Variants in AVL9 observed in about 807,000 individuals in gnomAD.
The protein encoded by AVL9 is AVL9 cell migration associated, also known as late secretory pathway protein AVL9 homolog.
In AVL9, 49 loss-of-function variants were observed where a neutral mutation model predicts 79.2. The ratio of observed to expected loss-of-function variants is 0.62; its 90% CI spans 0.49 to 0.79. AVL9 has a LOEUF of 0.79. Ranked by LOEUF, AVL9 falls within the 30% of genes least tolerant of loss-of-function variation. The probability of loss-of-function intolerance (pLI) is 0.00; values close to 1 mark genes in which losing one functional copy is unlikely to be tolerated. For missense variants in AVL9, 682 were observed against 776.8 expected (o/e 0.88, Z 1.45); for synonymous variants, 299 against 280.6 (o/e 1.07, Z -0.65).
intron 1 of AVL9, among the ~76,000 whole-genome samples, chr7:32,500,253 G>A (rs766121459): frequency 2.0e-5 from 3 of 152,120 alleles, no homozygotes; most frequent in Non-Finnish European, 4.4e-5. Flanking sequence ...TCCAGCATCT[G>A]TTGTTTCCTG....
chr7:32,501,586 G>A (rs1041620613), intron 1 of AVL9, among the ~76,000 whole-genome samples: 1 of 152,178 alleles, frequency 6.6e-6, no homozygotes, highest in South Asian at 2.1e-4. Context: ...CAGAACAATG[G>A]AATAGTTTTC....
At chr7:32,568,444 G>A (rs910912475) in intron 10 of AVL9, among the ~76,000 whole-genome samples, 2 of 151,762 alleles carry the variant, frequency 1.3e-5, no homozygotes, top group African/African-American at 2.4e-5. Context: ...CAAGTGATCC[G>A]CCTGCCTCAG....
chr7:32,548,946 T>G (rs1281195730), intron 4 of AVL9, 28 bp downstream of exon 4: 1 of 1,452,190 alleles, frequency 6.9e-7, no homozygotes, highest in Non-Finnish European at 9.3e-7. Context: ...TTGTTCATTA[T>G]GTTAAACCTT....
intron 8 of AVL9, 26 bp from the exon 9 acceptor site, chr7:32,558,533 T>G: frequency 6.4e-7 from 1 of 1,561,094 alleles, no homozygotes; most frequent in Non-Finnish European, 8.7e-7. Context: ...GGTCTTCTAA[T>G]TTGATTTTGA....
In AVL9 at chr7:32,542,790, C is replaced by G. The variant is rs562901982; in HGVS notation, c.94-351C>G. The stretch of plus-strand genomic sequence containing the variant: ...TTTGTTGGACCTCTCCTACTCAATT[C>G]AGTAGGCTGTTGGTTTTCCTCAGGG... On this transcript the variant is annotated intron_variant, in intron 1 of 15. Coordinates refer to ENST00000318709, the MANE Select transcript of AVL9 (RefSeq NM_015060.3). Among the ~76,000 whole-genome samples the G allele has an allele frequency of 2.0e-5, 3 of 152,240 alleles. No homozygotes were observed. In the East Asian group the frequency reaches 5.8e-4, roughly 29 times the overall value.
intron 13 of AVL9, among the ~76,000 whole-genome samples, chr7:32,576,426 A>T (rs989703487): frequency 2.3e-4 from 35 of 152,196 alleles, no homozygotes; most frequent in Non-Finnish European, 4.4e-5. Context: ...CTAGAAGGAA[A>T]TACCACTGGT....
In AVL9 at chr7:32,553,621, A is replaced by G. The variant is rs1789930733; in HGVS notation, c.530-106A>G. The G allele has an allele frequency of 1.6e-5, 11 of 667,104 alleles. No individual in the cohort carries two copies. The South Asian group carries it at 1.8e-4, about 11-fold the overall frequency. 41.3% of individuals were successfully genotyped at this position (667,104 alleles called of 1,614,324 possible). A position where few individuals can be genotyped will look rare whatever the true frequency, so the allele number is the denominator to read the frequency against. On this transcript the variant is annotated intron_variant, in intron 6 of 15. Coordinates refer to ENST00000318709, the MANE Select transcript of AVL9 (RefSeq NM_015060.3). Reference sequence around the variant, plus strand: ...AATATTTGGATATTTGCATATTCCTACTTTTTTTTTTTTTTAACCTTTCTT... The same window carrying G: ...AATATTTGGATATTTGCATATTCCTGCTTTTTTTTTTTTTTAACCTTTCTT...
At chr7:32,582,169 C>CAAT (rs1791541437) in intron 15 of AVL9, among the ~76,000 whole-genome samples, 1 of 152,144 alleles carries the variant, frequency 6.6e-6, no homozygotes, top group South Asian at 2.1e-4. Context: ...GCAAGAAACT[C>CAAT]CCAATTATCT....
chr7:32,566,062 A>C (rs372057993), intron 10 of AVL9, among the ~76,000 whole-genome samples: 2 of 151,522 alleles, frequency 1.3e-5, no homozygotes, highest in South Asian at 2.1e-4. Flanking sequence ...ACTTGAGCTC[A>C]GGAGGTCAAG....
chr7:32,576,538 CT>C (rs966355245), intron 13 of AVL9, among the ~76,000 whole-genome samples: 1 of 152,170 alleles, frequency 6.6e-6, no homozygotes, highest in African/African-American at 2.4e-5. Context: ...AATCCCAACA[CT>C]TTGGGAGGCC....
At chr7:32,510,468 T>C (rs112200146) in intron 1 of AVL9, among the ~76,000 whole-genome samples, 3 of 136,538 alleles carry the variant, frequency 2.2e-5, no homozygotes, top group African/African-American at 5.6e-5. Context: ...AAGCCATCTC[T>C]CCAGGGTGAG....
chr7:32,544,918 G>A, intron 3 of AVL9, 139 bp downstream of exon 3: 1 of 608,024 alleles, frequency 1.6e-6, no homozygotes. Context: ...TTTTTCAATA[G>A]TGCCAGTTTA....
rs1790428977 is a variant in AVL9 at position 32,563,718 on chromosome 7, G to T, written c.1215+4254G>T. Among the ~76,000 whole-genome samples the T allele has an allele frequency of 2.6e-5, 4 of 152,178 alleles. No individual in the cohort carries two copies. The South Asian group carries it at 8.3e-4, about 32-fold the overall frequency. On this transcript the variant is annotated intron_variant, in intron 10 of 15. Coordinates refer to ENST00000318709, the MANE Select transcript of AVL9 (RefSeq NM_015060.3). ...GATGGGTAGTGTTGGCTTGAACAAT[G>T]TATGTATTCCTCTCCTATATTATTC...
intron 1 of AVL9, among the ~76,000 whole-genome samples, chr7:32,511,366 C>T (rs1043835444): frequency 8.6e-5 from 13 of 151,384 alleles, no homozygotes; most frequent in Admixed American, 7.9e-4. Flanking sequence ...CTGAACTGCC[C>T]CAGTATGAGG....
At chr7:32,570,545 G>T (rs750394512) in intron 11 of AVL9, among the ~76,000 whole-genome samples, 1 of 152,040 alleles carries the variant, frequency 6.6e-6, no homozygotes, top group African/African-American at 2.4e-5. Context: ...ATACCAAGAC[G>T]AAAGCTAGGA....
At chr7:32,572,239 C>T (rs560637586) in intron 11 of AVL9, among the ~76,000 whole-genome samples, 30 of 151,000 alleles carry the variant, frequency 2.0e-4, no homozygotes, top group Non-Finnish European at 4.0e-4. Context: ...AAACATGTTT[C>T]TTGGGTGAAT....
intron 1 of AVL9, among the ~76,000 whole-genome samples, chr7:32,520,347 A>AT (rs1290174214): frequency 2.6e-5 from 4 of 152,144 alleles, no homozygotes; most frequent in Non-Finnish European, 5.9e-5. Context: ...TAAGGACAAA[A>AT]TTTTTTATTT....
At chr7:32,500,591 T>A (rs1046089369) in intron 1 of AVL9, among the ~76,000 whole-genome samples, 1 of 151,996 alleles carries the variant, frequency 6.6e-6, no homozygotes, top group Non-Finnish European at 1.5e-5. Context: ...AGTTTTTTTT[T>A]AATTTAAGCT....
rs1791760739 is a variant in AVL9 at position 32,586,023 on chromosome 7, AG to A, written c.*2120del. 1 of 152,170 alleles carries A rather than the reference AG, an allele frequency of 6.6e-6. No homozygotes were observed. The allele number at this position is 152,170 out of a possible 1,614,324, so 9.4% of individuals were successfully genotyped here. A position where few individuals can be genotyped will look rare whatever the true frequency, so the allele number is the denominator to read the frequency against. On this transcript the variant is annotated 3_prime_UTR_variant, in exon 16 of 16. Coordinates refer to ENST00000318709, the MANE Select transcript of AVL9 (RefSeq NM_015060.3). ...ACTTCAAGGATCTAGGAGCTCTGTG[AG>A]GGGTCGTCCAGCAAGATGCTGATTT...
Sources: gnomAD v4.1 joint callset for allele counts (sites outside exome capture counted in the v4.1 genomes callset) on GRCh38, gnomAD v4.1.1 for gene constraint, MANE v1.5 for transcripts, NCBI Gene and HGNC (gene_info 2026-07-23, HGNC 2026-07-21) for gene names.